DOCK9: variants seen among roughly 807,000 people sequenced by gnomAD.
The protein encoded by DOCK9 is dedicator of cytokinesis protein 9.
A neutral mutation model predicts 263.3 loss-of-function variants in DOCK9; 89 were observed. The observed-to-expected ratio is 0.34, with a 90% CI of 0.28 to 0.40. The LOEUF (loss-of-function observed/expected upper bound fraction) is 0.40. Ranked by LOEUF, DOCK9 falls within the 10% of genes least tolerant of loss-of-function variation. The probability of loss-of-function intolerance (pLI) is 1.00; values close to 1 mark genes in which losing one functional copy is unlikely to be tolerated. For synonymous variants in DOCK9, 976 were observed against 973.1 expected (o/e 1.00, Z -0.06); for missense variants, 2,140 against 2,603.4 (o/e 0.82, Z 3.87).
In DOCK9 at chr13:99,078,062, A is replaced by T. The variant is rs376693565; in HGVS notation, c.129+8161T>A. On this transcript the variant is annotated intron_variant, in intron 1 of 32. Coordinates refer to the DOCK9 transcript ENST00000427887. ...TGAAATGACACTCCCCACTAAAACA[A>T]GAATGTAAAAAGGACAACCTAACTT... is the stretch of plus-strand genomic sequence containing the variant. Among the ~76,000 whole-genome samples the T allele has an allele frequency of 1.7e-4, 26 of 152,298 alleles. No individual in the cohort carries two copies. In the East Asian group the frequency reaches 5.0e-3, roughly 29 times the overall value.
At chr13:98,836,981 T>C (rs2093026415) in intron 39 of DOCK9, among the ~76,000 whole-genome samples, 2 of 151,870 alleles carry the variant, frequency 1.3e-5, no homozygotes, top group Admixed American at 1.3e-4. Flanking sequence ...CTCCACCTAC[T>C]TGAATATTAT....
At position 98,868,402 on chromosome 13, in the gene DOCK9, T is replaced by C. The variant is rs531967660; in HGVS notation, c.2944-25A>G. On this transcript the variant is annotated intron_variant, in intron 27 of 52. Coordinates refer to ENST00000682017, the MANE Select transcript of DOCK9 (RefSeq NM_001366683.2). The stretch of plus-strand genomic sequence containing the variant: ...ACTAAAAAGAATTCAGAGCAAACAT[T>C]TATTATTTATTAAGTTGCAATCATT... 123 of 1,585,896 alleles carry C rather than the reference T, an allele frequency of 7.8e-5. 1 individual carries two copies. The South Asian group carries it at 1.0e-3, about 14-fold the overall frequency.
chr13:99,064,298 A>T (rs901137215), intron 1 of DOCK9, among the ~76,000 whole-genome samples: 5 of 152,244 alleles, frequency 3.3e-5, no homozygotes, highest in East Asian at 1.9e-4. Context: ...ACTTATCATT[A>T]TAACTGTTGT....
At chr13:98,936,363 G>A (rs574237760) in intron 2 of DOCK9, among the ~76,000 whole-genome samples, 2 of 152,102 alleles carry the variant, frequency 1.3e-5, no homozygotes, top group Non-Finnish European at 2.9e-5. Flanking sequence ...TTTCAAGAAT[G>A]AGTAAATACA....
At chr13:98,797,764 T>C (rs1169194141) in intron 50 of DOCK9, among the ~76,000 whole-genome samples, 1 of 152,182 alleles carries the variant, frequency 6.6e-6, no homozygotes, top group African/African-American at 2.4e-5. Flanking sequence ...CTGTTGAAGT[T>C]TGAAGAGCCA....
chr13:99,023,729 C>G (rs1886394127), intron 1 of DOCK9, among the ~76,000 whole-genome samples: 1 of 152,138 alleles, frequency 6.6e-6, no homozygotes, highest in Non-Finnish European at 1.5e-5. Flanking sequence ...AGGTGTAAGA[C>G]CAGAAAAACG....
intron 1 of DOCK9, among the ~76,000 whole-genome samples, chr13:99,037,252 C>G (rs538187148): frequency 6.6e-6 from 1 of 151,826 alleles, no homozygotes; most frequent in Admixed American, 6.6e-5. Flanking sequence ...AGATTTGTAT[C>G]CAGATATATA....
chr13:98,850,237 A>G (rs2093523852), intron 35 of DOCK9, 124 bp from the exon 36 acceptor site: 1 of 622,958 alleles, frequency 1.6e-6, no homozygotes, highest in Admixed American at 3.6e-5. Context: ...GTAGGCCTCT[A>G]AACCCTTCCC....
At chr13:98,849,561 A>C (rs1049644352) in intron 36 of DOCK9, among the ~76,000 whole-genome samples, 7 of 152,158 alleles carry the variant, frequency 4.6e-5, no homozygotes, top group African/African-American at 1.7e-4. Flanking sequence ...GTTTTGGATA[A>C]GGGATTGTAA....
At chr13:99,065,937 T>C (rs148793634) in intron 1 of DOCK9, among the ~76,000 whole-genome samples, 2 of 152,224 alleles carry the variant, frequency 1.3e-5, no homozygotes, top group Admixed American at 1.3e-4. Flanking sequence ...AAATTTAAAA[T>C]TTATCAGTTC....
At chr13:98,876,002 G>A (rs1255068481) in intron 27 of DOCK9, among the ~76,000 whole-genome samples, 1 of 152,072 alleles carries the variant, frequency 6.6e-6, no homozygotes, top group Non-Finnish European at 1.5e-5. Context: ...AATATGCATT[G>A]AATGGACTCA....
At chr13:98,947,187 C>T (rs1423534709) in intron 2 of DOCK9, among the ~76,000 whole-genome samples, 1 of 152,170 alleles carries the variant, frequency 6.6e-6, no homozygotes, top group Non-Finnish European at 1.5e-5. Context: ...TGGTCCTAGT[C>T]CCCTGCTTAT....
intron 1 of DOCK9, among the ~76,000 whole-genome samples, chr13:99,037,875 C>T (rs1208742083): frequency 6.6e-6 from 1 of 152,142 alleles, no homozygotes; most frequent in African/African-American, 2.4e-5. Context: ...ACTCTGATTC[C>T]ATTTTTATAA....
At chr13:98,832,354 C>T (rs1446270874) in intron 39 of DOCK9, among the ~76,000 whole-genome samples, 2 of 152,078 alleles carry the variant, frequency 1.3e-5, no homozygotes, top group Non-Finnish European at 2.9e-5. Context: ...GTCTCAGCAT[C>T]CTCATCTGTA....
chr13:98,974,520 C>T (rs1170401750), intron 1 of DOCK9, among the ~76,000 whole-genome samples: 1 of 152,066 alleles, frequency 6.6e-6, no homozygotes, highest in African/African-American at 2.4e-5. Context: ...GAGGCCAAAG[C>T]AGGTGGATCA....
chr13:98,930,145 A>C (rs1158480215), intron 3 of DOCK9, 23 bp downstream of exon 3: 2 of 1,591,732 alleles, frequency 1.3e-6, no homozygotes. Context: ...CAAAATGTAA[A>C]TTAATGCAGG....
At chr13:98,805,337 A>G in intron 48 of DOCK9, 128 bp from the exon 49 acceptor site, 1 of 804,296 alleles carries the variant, frequency 1.2e-6, no homozygotes, top group Non-Finnish European at 2.0e-6. Flanking sequence ...AAACATCCAC[A>G]TATCCACCAC....
chr13:98,974,881 A>G (rs762687003), intron 1 of DOCK9, among the ~76,000 whole-genome samples: 1 of 151,568 alleles, frequency 6.6e-6, no homozygotes, highest in Non-Finnish European at 1.5e-5. Flanking sequence ...CTGGCAGAGG[A>G]GAAAAAACAT....
chr13:98,808,692 G>A (rs755148479), intron 47 of DOCK9: 4 of 1,532,216 alleles, frequency 2.6e-6, no homozygotes, highest in African/African-American at 1.4e-5. Context: ...AGTTATAAAA[G>A]ACAATAACAG....
Sources: allele counts gnomAD v4.1 joint callset (sites outside exome capture counted in the v4.1 genomes callset), GRCh38; gene constraint gnomAD v4.1.1; transcripts MANE v1.5; gene names NCBI Gene and HGNC (gene_info 2026-07-23, HGNC 2026-07-21).